RCOR2: variants seen among roughly 807,000 people sequenced by gnomAD.
RCOR2 encodes the protein REST corepressor 2.
A neutral mutation model predicts 58.9 loss-of-function variants in RCOR2; 19 were observed. The observed-to-expected ratio is 0.32, with a 90% CI of 0.23 to 0.47. The LOEUF (loss-of-function observed/expected upper bound fraction) is 0.47. Among genes scored for constraint, RCOR2 ranks in the 20% least tolerant of loss-of-function variants. The probability of loss-of-function intolerance (pLI) is 1.00; values close to 1 mark genes in which losing one functional copy is unlikely to be tolerated. For synonymous variants in RCOR2, 286 were observed against 278.7 expected (o/e 1.03, Z -0.26); for missense variants, 590 against 707.9 (o/e 0.83, Z 1.89).
At position 63,911,927 on chromosome 11, in the gene RCOR2, C is replaced by T. The variant is rs1420726482; in HGVS notation, c.1510G>A (p.Gly504Ser). Reference sequence around the variant, plus strand: ...ATCAGGGTGGGTGGGGGCTGAGGGCCAGGGCGGGCGCTGTGGCGGGGGGCA... The same window carrying T: ...ATCAGGGTGGGTGGGGGCTGAGGGCTAGGGCGGGCGCTGTGGCGGGGGGCA... ...LAAPRHSARP[G>S]PQPPPTLIGT... The change falls in exon 12 of 12, where the codon GGC becomes AGC. Residue 504 changes from glycine (G) to serine (S), a missense_variant. By Grantham distance (56) the Gly-to-Ser change is moderately conservative. Coordinates refer to ENST00000301459, the MANE Select transcript of RCOR2 (RefSeq NM_173587.4). The T allele has an allele frequency of 1.9e-6, 2 of 1,028,144 alleles. No homozygotes were observed. The highest frequency in any genetic ancestry group is 5.6e-5 in the East Asian group (2 of 35,676). 63.7% of individuals were successfully genotyped at this position (1,028,144 alleles called of 1,614,324 possible).
intron 5 of RCOR2, 22 bp downstream of exon 5, chr11:63,914,633 A>G: frequency 6.2e-7 from 1 of 1,604,254 alleles, no homozygotes; most frequent in Non-Finnish European, 8.5e-7. Flanking sequence ...AGCGCCGGGG[A>G]GTGGGGGTGG....
chr11:63,923,827 G>T, the RCOR2 span, among the ~76,000 whole-genome samples: 1 of 152,128 alleles, frequency 6.6e-6, no homozygotes, highest in Non-Finnish European at 1.5e-5. Context: ...TGTCCCCCAG[G>T]CCTGTCCAAA....
At position 63,911,907 on chromosome 11, in the gene RCOR2, G is replaced by C; in HGVS notation, c.1530C>G (p.Thr510=). 7.5e-7 allele frequency: 1 copy of C among 1,332,152 alleles called. No individual in the cohort carries two copies. The highest frequency in any genetic ancestry group is 3.0e-5 in the Admixed American group (1 of 33,878). The allele number at this position is 1,332,152 out of a possible 1,614,324, so 82.5% of individuals were successfully genotyped here. The change falls in exon 12 of 12, where the codon ACC becomes ACG. Residue 510 remains threonine, a synonymous_variant. Coordinates refer to ENST00000301459, the MANE Select transcript of RCOR2 (RefSeq NM_173587.4). The stretch of plus-strand genomic sequence containing the variant: ...GGGGCTCCAGAGGGGTTCCAATCAG[G>C]GTGGGTGGGGGCTGAGGGCCAGGGC... ...SARPGPQPPP[T]LIGTPLEPPA... is the part of the protein sequence containing the mutation.
At chr11:63,916,293 G>C (rs1185837405) in intron 1 of RCOR2, 37 bp downstream of exon 1, 2 of 1,556,594 alleles carry the variant, frequency 1.3e-6, no homozygotes, top group Non-Finnish European at 1.7e-6. Flanking sequence ...GCTCCCCCCA[G>C]GCCGGCGCGC....
At chr11:63,924,059 C>A in the RCOR2 span, among the ~76,000 whole-genome samples, 1 of 152,194 alleles carries the variant, frequency 6.6e-6, no homozygotes, top group African/African-American at 2.4e-5. Context: ...CAGGCATGTG[C>A]TACCACGCCC....
Position 63,914,456 on chromosome 11 carries a change from T to C in RCOR2, c.566A>G (p.Gln189Arg). The stretch of plus-strand genomic sequence containing the variant: ...CTTGCGGCCCCCCAGCCGCCGGGCC[T>C]GTCTGTCCATCACACTAGTTCGGCT... ...TRSRTSVMDRQARRLGGRKDK... is the reference protein window; with the variant it reads ...TRSRTSVMDRRARRLGGRKDK... Residue 189 changes from glutamine (Q) to arginine (R), a missense_variant, in exon 6 of 12, where the codon CAG becomes CGG. Around this residue, in one of 3 missense-constraint regions of RCOR2, gnomAD observed 390 missense variants for 478.7 expected, o/e 0.81. Transcript: ENST00000301459. 1 of 1,613,864 alleles carries C rather than the reference T, an allele frequency of 6.2e-7. No homozygotes were observed.
chr11:63,926,598 G>A, the RCOR2 span, among the ~76,000 whole-genome samples: 168 of 144,546 alleles, frequency 1.2e-3, no homozygotes, highest in African/African-American at 4.0e-3. Flanking sequence ...GCAATTCTCC[G>A]CCTCAGCCTC....
In RCOR2 at chr11:63,917,151, C is replaced by T. The variant is rs1002598884; in HGVS notation, c.-695G>A. On this transcript the variant is annotated 5_prime_UTR_variant, in exon 1 of 12. Transcript: ENST00000301459. ...GCCCGCTCTCCGCCGCCGCTCGCTCCTCGCGCACACAATGAAGCTGCTGGC... is the reference window on the plus strand; with the variant it reads ...GCCCGCTCTCCGCCGCCGCTCGCTCTTCGCGCACACAATGAAGCTGCTGGC... 1.3e-5 allele frequency among the ~76,000 whole-genome samples: 2 copies of T among 151,984 alleles called. No homozygotes were observed. The highest frequency in any genetic ancestry group is 6.5e-5 in the Admixed American group (1 of 15,272).
upstream of RCOR2, among the ~76,000 whole-genome samples, chr11:63,920,096 T>G (rs1324373429): frequency 6.6e-6 from 1 of 152,234 alleles, no homozygotes; most frequent in Non-Finnish European, 1.5e-5. Flanking sequence ...CTGTGGTGGT[T>G]TCCTTGCCTG....
Position 63,914,045 on chromosome 11 carries a change from G to C in RCOR2, c.800C>G (p.Pro267Arg). ...RRPPKGMYLS[P>R]EGLTAVSGSP... ...TCCTGACACTGCCGTGAGGCCTTCA[G>C]GGCTCAGGTACATGCCCTTGGGTGG... Residue 267 changes from proline (P) to arginine (R), a missense_variant, in exon 8 of 12, where the codon CCT becomes CGT. This residue lies in a region of RCOR2 where 390 missense variants were observed against 478.7 expected (regional missense o/e 0.81). Coordinates refer to ENST00000301459, the MANE Select transcript of RCOR2 (RefSeq NM_173587.4). 6.2e-7 allele frequency: 1 copy of C among 1,613,834 alleles called. No homozygotes were observed. Among genetic ancestry groups the C allele is most frequent in the African/African-American group, 1.3e-5 (1 of 75,058 alleles).
At position 63,916,898 on chromosome 11, in the gene RCOR2, G is replaced by A. The variant is rs1941865552; in HGVS notation, c.-442C>T. The A allele has an allele frequency of 5.2e-5, 8 of 154,818 alleles. No individual in the cohort carries two copies. The South Asian group carries it at 1.4e-3, about 26-fold the overall frequency. 9.6% of individuals were successfully genotyped at this position (154,818 alleles called of 1,614,324 possible). ...TGCGCCTCTCAGCTGCGCCGGGGAT[G>A]CCCCAGTCCCCGGGCGGGGACCCGT... On this transcript the variant is annotated 5_prime_UTR_variant, in exon 1 of 12. Transcript: ENST00000301459.
chr11:63,919,285 A>C (rs1590738838), upstream of RCOR2, among the ~76,000 whole-genome samples: 1 of 148,856 alleles, frequency 6.7e-6, no homozygotes, highest in Non-Finnish European at 1.5e-5. Context: ...GCAAGGCCCC[A>C]CCCCTCCCAC....
the RCOR2 span, among the ~76,000 whole-genome samples, chr11:63,925,150 G>A: frequency 3.3e-5 from 5 of 152,182 alleles, no homozygotes; most frequent in East Asian, 9.7e-4. Flanking sequence ...ACTGCGCCCA[G>A]CCTCCAGGGT....
chr11:63,916,374 T>C lies in RCOR2; in HGVS notation c.83A>G (p.Gln28Arg). 3 of 1,607,482 alleles carry C rather than the reference T, an allele frequency of 1.9e-6. No individual in the cohort carries two copies. The highest frequency in any genetic ancestry group is 2.5e-6 in the Non-Finnish European group (3 of 1,177,762). The change falls in exon 1 of 12, where the codon CAG becomes CGG. Residue 28 changes from glutamine (Q) to arginine (R), a missense_variant. Transcript: ENST00000301459. ...SRAKTVPNGGQPHSEDDSSEE... is the reference protein window; with the variant it reads ...SRAKTVPNGGRPHSEDDSSEE... ...GCTGCTGTCATCCTCCGAGTGGGGCTGTCCGCCGTTGGGCACCGTCTTGGC... is the reference window on the plus strand; with the variant it reads ...GCTGCTGTCATCCTCCGAGTGGGGCCGTCCGCCGTTGGGCACCGTCTTGGC...
At chr11:63,926,489 C>CTTTTTTTTTTTTTT in the RCOR2 span, among the ~76,000 whole-genome samples, 76 of 137,644 alleles carry the variant, frequency 5.5e-4, no homozygotes, top group Non-Finnish European at 8.9e-4. Context: ...CTCTCTCTCT[C>CTTTTTTTTTTTTTT]TTTTTTTTTT....
chr11:63,911,841 G>A lies in RCOR2; in HGVS notation c.*24C>T, dbSNP rs769317857. On this transcript the variant is annotated 3_prime_UTR_variant, in exon 12 of 12. Coordinates refer to ENST00000301459, the MANE Select transcript of RCOR2 (RefSeq NM_173587.4). ...GGCCAGCAAAGGGGTCCTGGAGCCCGTGGTTGGTGGAGGACGTCAGGGCTC... is the reference window on the plus strand; with the variant it reads ...GGCCAGCAAAGGGGTCCTGGAGCCCATGGTTGGTGGAGGACGTCAGGGCTC... The A allele has an allele frequency of 6.0e-4, 896 of 1,483,286 alleles. 1 individual carries two copies. Among genetic ancestry groups the A allele is most frequent in the South Asian group, 1.6e-3 (118 of 73,538 alleles). The allele number at this position is 1,483,286 out of a possible 1,614,324, so 91.9% of individuals were successfully genotyped here.
At chr11:63,918,605 C>G (rs1229193257), upstream of RCOR2, among the ~76,000 whole-genome samples, 2 of 152,168 alleles carry the variant, frequency 1.3e-5, no homozygotes, top group African/African-American at 4.8e-5. Context: ...CTAAGGAGGT[C>G]TGATTCAAGA....
Position 63,912,732 on chromosome 11 carries a change from G to A in RCOR2, c.971C>T (p.Ala324Val). ...GGIDPLRPPE[A>V]NTKFNSRWTT... is the part of the protein sequence containing the mutation. The stretch of plus-strand genomic sequence containing the variant: ...CCAGCGGGAGTTGAACTTGGTGTTG[G>A]CCTGGAAAGCAAGGAACAACATATC... The change falls in exon 10 of 12, where the codon GCC (alanine) becomes GTC (valine). Residue 324 changes from alanine to valine, a missense_variant and splice_region_variant. Transcript: ENST00000301459. 1.2e-6 allele frequency: 2 copies of A among 1,614,032 alleles called. No individual in the cohort carries two copies. The highest frequency in any genetic ancestry group is 1.7e-6 in the Non-Finnish European group (2 of 1,179,982).
chr11:63,915,300 C>G, intron 2 of RCOR2, 42 bp from the exon 3 acceptor site: 1 of 1,524,698 alleles, frequency 6.6e-7, no homozygotes. Context: ...TCAGATCAGC[C>G]TGGTGGCACA....
Sources: allele counts gnomAD v4.1 joint callset (sites outside exome capture counted in the v4.1 genomes callset), GRCh38; gene constraint gnomAD v4.1.1; regional missense constraint gnomAD v4.1.1; transcripts MANE v1.5; gene names NCBI Gene and HGNC (gene_info 2026-07-23, HGNC 2026-07-21).